The following ARHGAP24 variants were observed in gnomAD, a reference collection of about 807,000 sequenced individuals.
The protein encoded by ARHGAP24 is Rho GTPase activating protein 24.
ARHGAP24 carries 50 observed loss-of-function variants against 76.4 expected under a neutral mutation model. The ratio of observed to expected loss-of-function variants is 0.65; its 90% CI spans 0.52 to 0.83. The LOEUF is 0.83. ARHGAP24 is among the 40% of genes least tolerant of loss of function. The probability of loss-of-function intolerance (pLI) is 0.00; values close to 1 mark genes in which losing one functional copy is unlikely to be tolerated. For synonymous variants in ARHGAP24, 345 were observed against 323.3 expected (o/e 1.07, Z -0.72); for missense variants, 930 against 914.2 (o/e 1.02, Z -0.22).
At chr4:85,983,978 T>C (rs1433950103) in intron 8 of ARHGAP24, among the ~76,000 whole-genome samples, 2 of 152,240 alleles carry the variant, frequency 1.3e-5, no homozygotes, top group South Asian at 2.1e-4. Context: ...GCAACTGCTT[T>C]ATGCAATGCT....
At chr4:85,612,371 C>G in intron 2 of ARHGAP24, among the ~76,000 whole-genome samples, 1 of 90,396 alleles carries the variant, frequency 1.1e-5, no homozygotes, top group East Asian at 3.7e-3. Flanking sequence ...GGCAGTGAGC[C>G]GAGTGCACTC....
At chr4:85,784,483 T>C (rs1447009928) in intron 3 of ARHGAP24, among the ~76,000 whole-genome samples, 1 of 152,122 alleles carries the variant, frequency 6.6e-6, no homozygotes. Flanking sequence ...TTCCACCCTT[T>C]GTGCGAGTTG....
intron 3 of ARHGAP24, among the ~76,000 whole-genome samples, chr4:85,870,734 T>C (rs1047624609): frequency 6.6e-6 from 1 of 152,138 alleles, no homozygotes; most frequent in African/African-American, 2.4e-5. Context: ...TAATATTTAA[T>C]TATTGAATGA....
chr4:85,889,002 C>A (rs1038265205), intron 3 of ARHGAP24, among the ~76,000 whole-genome samples: 1 of 152,106 alleles, frequency 6.6e-6, no homozygotes, highest in African/African-American at 2.4e-5. Context: ...ATATGTATCA[C>A]ATTTTCTTTA....
chr4:85,729,660 A>G lies in ARHGAP24; in HGVS notation c.268+7688A>G, dbSNP rs149239936. On this transcript the variant is annotated intron_variant, in intron 3 of 9. Coordinates refer to ENST00000395184, the MANE Select transcript of ARHGAP24 (RefSeq NM_001025616.3). ...TTTCTGGAAAGATCCAGGAGTAAATATTTTAGGATTTTGTGACCATAAGGT... is the reference window on the plus strand; with the variant it reads ...TTTCTGGAAAGATCCAGGAGTAAATGTTTTAGGATTTTGTGACCATAAGGT... 4.8e-4 allele frequency among the ~76,000 whole-genome samples: 73 copies of G among 152,240 alleles called. 1 individual carries two copies. The East Asian group carries it at 0.01, about 22-fold the overall frequency.
In ARHGAP24 at chr4:85,641,790, G is replaced by A. The variant is rs376077697; in HGVS notation, c.180+71069G>A. Among the ~76,000 whole-genome samples, 7 of 152,268 alleles carry A rather than the reference G, an allele frequency of 4.6e-5. No individual in the cohort carries two copies. In the East Asian group the frequency reaches 1.2e-3, roughly 25 times the overall value. On this transcript the variant is annotated intron_variant, in intron 2 of 9. Coordinates refer to ENST00000395184, the MANE Select transcript of ARHGAP24 (RefSeq NM_001025616.3). ...CATAGGGTGAGGTATGGGGGAAAGGGTATGAAGCTTCCACACCCTTCCTGG... is the reference window on the plus strand; with the variant it reads ...CATAGGGTGAGGTATGGGGGAAAGGATATGAAGCTTCCACACCCTTCCTGG...
At chr4:85,731,876 A>G in intron 3 of ARHGAP24, among the ~76,000 whole-genome samples, 1 of 152,306 alleles carries the variant, frequency 6.6e-6, no homozygotes, top group South Asian at 2.1e-4. Context: ...TACAATTATT[A>G]TGTGTCAATG....
At chr4:85,909,081 A>G (rs1008668179) in intron 3 of ARHGAP24, among the ~76,000 whole-genome samples, 1 of 152,190 alleles carries the variant, frequency 6.6e-6, no homozygotes, top group Non-Finnish European at 1.5e-5. Context: ...TTAACTGACT[A>G]TACTTCCAGG....
chr4:85,565,876 T>C (rs1305882312), intron 1 of ARHGAP24, among the ~76,000 whole-genome samples: 1 of 150,460 alleles, frequency 6.6e-6, no homozygotes, highest in Non-Finnish European at 1.5e-5. Flanking sequence ...GTTTGACTCT[T>C]AGAAGAGTTT....
intron 3 of ARHGAP24, among the ~76,000 whole-genome samples, chr4:85,800,349 C>T (rs1728524495): frequency 6.6e-6 from 1 of 152,122 alleles, no homozygotes; most frequent in Non-Finnish European, 1.5e-5. Context: ...ACTGAGTTTC[C>T]TCCAGCTCTT....
intron 5 of ARHGAP24, among the ~76,000 whole-genome samples, chr4:85,949,559 AGG>A (rs1044464557): frequency 2.0e-5 from 3 of 152,280 alleles, no homozygotes; most frequent in African/African-American, 7.2e-5. Flanking sequence ...TGTATCCTTC[AGG>A]GCTCCTCCCT....
At chr4:85,484,323 A>C (rs1722935163) in intron 1 of ARHGAP24, among the ~76,000 whole-genome samples, 1 of 152,330 alleles carries the variant, frequency 6.6e-6, no homozygotes, top group East Asian at 1.9e-4. Flanking sequence ...TCAAATTAGA[A>C]ATTATTAAAA....
intron 2 of ARHGAP24, among the ~76,000 whole-genome samples, chr4:85,573,814 G>A (rs970006717): frequency 1.3e-5 from 2 of 152,192 alleles, no homozygotes; most frequent in Admixed American, 6.5e-5. Flanking sequence ...GGAGCTAGGA[G>A]TCACTTTCTT....
Position 85,930,730 on chromosome 4 carries a change from G to GT in ARHGAP24, c.391+6969dup, listed in dbSNP as rs796966231. On this transcript the variant is annotated intron_variant, in intron 4 of 9. Transcript: ENST00000395184. ...CCTGGATTAGGCAAGAGAAAAGGAA[G>GT]TTTTTTTTTGCTAAACAGGAGTAAA... The GT allele has an allele frequency of 5.1e-4, 657 of 1,277,780 alleles. 2 individuals carry two copies. The South Asian group carries it at 6.0e-3, about 12-fold the overall frequency. The allele number at this position is 1,277,780 out of a possible 1,614,324, so 79.2% of individuals were successfully genotyped here. A position where few individuals can be genotyped will look rare whatever the true frequency, so the allele number is the denominator to read the frequency against.
chr4:85,888,344 G>A (rs971196635), intron 3 of ARHGAP24, among the ~76,000 whole-genome samples: 4 of 148,136 alleles, frequency 2.7e-5, no homozygotes, highest in African/African-American at 1.0e-4. Context: ...AGGTTGCAGT[G>A]AGCCAAGATC....
intron 3 of ARHGAP24, among the ~76,000 whole-genome samples, chr4:85,741,136 A>C (rs141597821): frequency 3.9e-4 from 60 of 152,348 alleles, no homozygotes; most frequent in African/African-American, 1.2e-3. Context: ...TCTTTCAGAA[A>C]AATCTAAACA....
In ARHGAP24 at chr4:85,866,268, C is replaced by T. The variant is rs543942091; in HGVS notation, c.269-57380C>T. Among the ~76,000 whole-genome samples, 10 of 152,248 alleles carry T rather than the reference C, an allele frequency of 6.6e-5. No individual in the cohort carries two copies. The South Asian group carries it at 1.9e-3, about 28-fold the overall frequency. On this transcript the variant is annotated intron_variant, in intron 3 of 9. Transcript: ENST00000395184. ...GTGACAAAGACAGAGCTACTTTCTT[C>T]AGAAACCTAGAATAACTTCTCATGA...
At chr4:85,722,765 G>A (rs343861) in intron 3 of ARHGAP24, among the ~76,000 whole-genome samples, 146,003 of 152,198 alleles carry the variant, frequency 0.96, 70,336 homozygotes, top group East Asian at 1. Flanking sequence ...TTGACCGTTT[G>A]TGTAATATTG....
At chr4:85,580,077 A>T (rs1294157537) in intron 2 of ARHGAP24, among the ~76,000 whole-genome samples, 1 of 151,902 alleles carries the variant, frequency 6.6e-6, no homozygotes, top group Non-Finnish European at 1.5e-5. Context: ...CAAGCCTCAC[A>T]CTTGGTTTAA....
Sources: allele counts gnomAD v4.1 joint callset (sites outside exome capture counted in the v4.1 genomes callset), GRCh38; gene constraint gnomAD v4.1.1; transcripts MANE v1.5; gene names NCBI Gene and HGNC (gene_info 2026-07-23, HGNC 2026-07-21).